MAU2: variants seen among roughly 807,000 people sequenced by gnomAD.
The protein encoded by MAU2 is MAU2 chromatid cohesion factor homolog.
MAU2 carries 9 observed loss-of-function variants against 89.1 expected under a neutral mutation model. The ratio of observed to expected loss-of-function variants is 0.10; its 90% CI spans 0.06 to 0.18. The LOEUF is 0.18. MAU2 is among the 10% of genes least tolerant of loss of function. The pLI, the probability that MAU2 is intolerant of heterozygous loss-of-function variation, is 1.00. For missense variants in MAU2, 425 were observed against 803.5 expected, an observed-to-expected ratio of 0.53 and a Z score of 5.69; for synonymous variants, 357 against 343.4, an observed-to-expected ratio of 1.04 and a Z score of -0.44.
rs2061561258 is a variant in MAU2 at position 19,332,259 on chromosome 19, C to T, written c.277-3459C>T. 2.0e-5 allele frequency among the ~76,000 whole-genome samples: 3 copies of T among 150,316 alleles called. No individual in the cohort carries two copies. In the South Asian group the frequency reaches 6.3e-4, roughly 32 times the overall value. ...CACTGCAGCCCCAAACTCCTGGGCT[C>T]AAGTGATCCTCCCACGTCAGCCTCC... On this transcript the variant is annotated intron_variant, in intron 1 of 18. Transcript: ENST00000262815.
intron 3 of MAU2, 48 bp from the exon 4 acceptor site, chr19:19,337,122 T>G: frequency 8.0e-7 from 1 of 1,244,844 alleles, no homozygotes; most frequent in Non-Finnish European, 1.1e-6. Flanking sequence ...GATTGCCGCC[T>G]TGTTTTTTTT....
At chr19:19,353,177 C>A (rs889025299) in intron 16 of MAU2, 2 of 152,326 alleles carry the variant, frequency 1.3e-5, no homozygotes, top group Middle Eastern at 3.4e-3. Context: ...GCGGGACACC[C>A]CCCAGGATCA....
intron 4 of MAU2, 117 bp downstream of exon 4, chr19:19,337,382 A>C: frequency 1.3e-6 from 1 of 773,796 alleles, no homozygotes. Flanking sequence ...TCGGGCTGGC[A>C]CATGGAGTAG....
In MAU2 at chr19:19,343,784, G is replaced by A. The variant is rs541742700; in HGVS notation, c.974-53G>A. On this transcript the variant is annotated intron_variant, in intron 9 of 18. Coordinates refer to ENST00000262815, the MANE Select transcript of MAU2 (RefSeq NM_015329.4). ...GAGGTGGGGGCACGGTGGGCTGGGG[G>A]TGGCGCCTCCTCTGGCCTCCCCTGC... 1.2e-4 allele frequency: 169 copies of A among 1,375,554 alleles called. 2 individuals are homozygous for A. The South Asian group carries it at 1.7e-3, about 14-fold the overall frequency. The allele number at this position is 1,375,554 out of a possible 1,614,324, so 85.2% of individuals were successfully genotyped here.
At chr19:19,333,013 G>C (rs1384934397) in intron 1 of MAU2, among the ~76,000 whole-genome samples, 2 of 151,958 alleles carry the variant, frequency 1.3e-5, no homozygotes, top group African/African-American at 4.8e-5. Flanking sequence ...GGAAGCGGAG[G>C]TTGCGGTGAG....
chr19:19,340,471 C>T (rs891636383), intron 5 of MAU2, among the ~76,000 whole-genome samples: 53 of 151,322 alleles, frequency 3.5e-4, no homozygotes, highest in African/African-American at 1.1e-3. Flanking sequence ...AATTCTGTCT[C>T]TACTAAAAAT....
chr19:19,331,450 T>C (rs925164726), intron 1 of MAU2, among the ~76,000 whole-genome samples: 1 of 150,526 alleles, frequency 6.6e-6, no homozygotes, highest in African/African-American at 2.4e-5. Context: ...TGCAGTGAGC[T>C]GAGATCGCGC....
chr19:19,344,568 C>T (rs1398596724), intron 10 of MAU2: 1 of 536,020 alleles, frequency 1.9e-6, no homozygotes, highest in East Asian at 3.1e-5. Context: ...TACCCACCCT[C>T]CTGAGAGGGC....
At chr19:19,349,265 A>G in intron 15 of MAU2, 33 bp downstream of exon 15, 2 of 1,613,830 alleles carry the variant, frequency 1.2e-6, no homozygotes, top group Non-Finnish European at 1.7e-6. Flanking sequence ...CGTGAGGGCC[A>G]TGCTCAGGGT....
chr19:19,332,321 G>A (rs1330761597), intron 1 of MAU2, among the ~76,000 whole-genome samples: 2 of 136,058 alleles, frequency 1.5e-5, no homozygotes, highest in Non-Finnish European at 3.1e-5. Flanking sequence ...CACCATGCCT[G>A]GCTGATTTTT....
In MAU2 at chr19:19,357,065, A is replaced by C. The variant is rs1344071580; in HGVS notation, c.*1283A>C. 6.6e-6 allele frequency: 1 copy of C among 152,228 alleles called. No individual in the cohort carries two copies. The highest frequency in any genetic ancestry group is 2.4e-5 in the African/African-American group (1 of 41,428). 9.4% of individuals were successfully genotyped at this position (152,228 alleles called of 1,614,324 possible). A position where few individuals can be genotyped will look rare whatever the true frequency, so the allele number is the denominator to read the frequency against. On this transcript the variant is annotated 3_prime_UTR_variant, in exon 19 of 19. Coordinates refer to ENST00000262815, the MANE Select transcript of MAU2 (RefSeq NM_015329.4). ...GGTCTTGTCACCCTCACTCAGTGGA[A>C]CTGCCTCTGGGAGCTTTGGCGTCTG...
At chr19:19,347,039 G>A in intron 12 of MAU2, 1 of 514,512 alleles carries the variant, frequency 1.9e-6, no homozygotes. Context: ...GGTAGGATTG[G>A]GGTGGCTGGT....
Position 19,320,981 on chromosome 19 carries a change from C to T in MAU2, c.122C>T (p.Pro41Leu), listed in dbSNP as rs2061447820. 6.2e-7 allele frequency: 1 copy of T among 1,607,200 alleles called. No homozygotes were observed. Among genetic ancestry groups the T allele is most frequent in the Non-Finnish European group, 8.5e-7 (1 of 1,176,952 alleles). Reference sequence around the variant, plus strand: ...GCTGAGCACTTCCGCACTTCCAGCCCGCCCAAAATCCGCCTGTGCGTGCAC... The same window carrying T: ...GCTGAGCACTTCCGCACTTCCAGCCTGCCCAAAATCCGCCTGTGCGTGCAC... Reference protein sequence around the residue: ...GFAEHFRTSSPPKIRLCVHCL... With the variant: ...GFAEHFRTSSLPKIRLCVHCL... The change falls in exon 1 of 19, where the codon CCG becomes CTG. Residue 41 changes from proline to leucine, a missense_variant. Physicochemically the swap from Pro to Leu is moderately conservative, Grantham distance 98. Around this residue, in one of 11 missense-constraint regions of MAU2, gnomAD observed 5 missense variants for 20.5 expected, o/e 0.24. Transcript: ENST00000262815.
At chr19:19,344,651 A>G (rs2061679566) in intron 10 of MAU2, 198 bp from the exon 11 acceptor site, 1 of 603,312 alleles carries the variant, frequency 1.7e-6, no homozygotes, top group Non-Finnish European at 3.0e-6. Context: ...GAGACGAGTA[A>G]CAGACAAGGG....
chr19:19,348,196 T>C (rs770718532), intron 13 of MAU2: 2 of 154,068 alleles, frequency 1.3e-5, no homozygotes, highest in Non-Finnish European at 2.9e-5. Context: ...GAGACCCCCA[T>C]TTCTACAAAA....
intron 1 of MAU2, among the ~76,000 whole-genome samples, chr19:19,332,016 A>G (rs1379835063): frequency 6.6e-6 from 1 of 152,240 alleles, no homozygotes; most frequent in Non-Finnish European, 1.5e-5. Context: ...TTGCACTTAC[A>G]CAGAAGCCCT....
In MAU2 at chr19:19,347,377, T is replaced by G. The variant is rs202165874; in HGVS notation, c.1308+11T>G. The G allele has an allele frequency of 1.2e-5, 20 of 1,600,290 alleles. No individual in the cohort carries two copies. The highest frequency in any genetic ancestry group is 1.7e-5 in the Non-Finnish European group (20 of 1,167,668). ...AGACACCAAGAGGTAGTAGGTGACA[T>G]GCTTCATGTTCGGTATCCTTTCTCT... On this transcript the variant is annotated intron_variant, in intron 13 of 18. Transcript: ENST00000262815.
chr19:19,354,234 G>T, intron 16 of MAU2, 121 bp from the exon 17 acceptor site: 1 of 717,148 alleles, frequency 1.4e-6, no homozygotes, highest in Admixed American at 2.0e-5. Context: ...GACGCAGAAG[G>T]AGGTCACAAC....
intron 10 of MAU2, 53 bp downstream of exon 10, chr19:19,343,993 G>T: frequency 6.9e-7 from 1 of 1,443,780 alleles, no homozygotes. Flanking sequence ...TTGGGTCTCA[G>T]CAGTGTCAGA....
Sources: allele counts gnomAD v4.1 joint callset (sites outside exome capture counted in the v4.1 genomes callset), GRCh38; gene constraint gnomAD v4.1.1; regional missense constraint gnomAD v4.1.1; transcripts MANE v1.5; gene names NCBI Gene and HGNC (gene_info 2026-07-23, HGNC 2026-07-21).